The following NAV3 variants were observed in gnomAD, a reference collection of about 807,000 sequenced individuals.
NAV3 encodes the protein neuron navigator 3, also known as pore membrane and/or filament interacting like protein 1.
NAV3 carries 87 observed loss-of-function variants against 244.7 expected under a neutral mutation model. The ratio of observed to expected loss-of-function variants is 0.36; its 90% confidence interval spans 0.30 to 0.42. The LOEUF (loss-of-function observed/expected upper bound fraction) is 0.42. Among genes scored for constraint, NAV3 ranks in the 20% least tolerant of loss-of-function variants. NAV3 has a pLI of 1.00. For synonymous variants in NAV3, 1,126 were observed against 1,042.2 expected (o/e 1.08, Z -1.55); for missense variants, 2,663 against 2,893.3 (o/e 0.92, Z 1.83).
At position 78,007,342 on chromosome 12, in the gene NAV3, G is replaced by T. The variant is rs1874412971; in HGVS notation, c.1804G>T (p.Ala602Ser). The T allele has an allele frequency of 6.2e-7, 1 of 1,614,126 alleles. No individual in the cohort carries two copies. The highest frequency in any genetic ancestry group is 8.5e-7 in the Non-Finnish European group (1 of 1,180,022). The change falls in exon 8 of 40, where the codon GCA (alanine) becomes TCA (serine). Residue 602 changes from alanine (A) to serine (S), a missense_variant. Coordinates refer to ENST00000397909, the MANE Select transcript of NAV3 (RefSeq NM_001024383.2). ...SPSGSCTMTVAQSSGQSTGNG... is the reference protein window; with the variant it reads ...SPSGSCTMTVSQSSGQSTGNG... ...TTCTGGTTCCTGTACCATGACAGTG[G>T]CACAAAGCAGTGGGCAGAGCACAGG...
chr12:78,063,293 A>C (rs1468875992), intron 12 of NAV3, among the ~76,000 whole-genome samples: 1 of 152,156 alleles, frequency 6.6e-6, no homozygotes, highest in African/African-American at 2.4e-5. Flanking sequence ...ATCCTTGCAG[A>C]TATGTTGGAG....
Position 78,197,416 on chromosome 12 carries a change from T to G in NAV3, c.6446+15T>G. 6.4e-7 allele frequency: 1 copy of G among 1,557,304 alleles called. No individual in the cohort carries two copies. Among genetic ancestry groups the G allele is most frequent in the Non-Finnish European group, 8.7e-7 (1 of 1,146,464 alleles). ...TACAACAAATGGTATGCTTATCAAATATTCTGAATAATGAAATATGAAATA... is the reference window on the plus strand; with the variant it reads ...TACAACAAATGGTATGCTTATCAAAGATTCTGAATAATGAAATATGAAATA... On this transcript the variant is annotated intron_variant, in intron 35 of 39. Coordinates refer to ENST00000397909, the MANE Select transcript of NAV3 (RefSeq NM_001024383.2).
chr12:77,923,427 T>A (rs889403676), intron 1 of NAV3, among the ~76,000 whole-genome samples: 11 of 152,182 alleles, frequency 7.2e-5, no homozygotes, highest in South Asian at 4.1e-4. Flanking sequence ...TCCAAATTTT[T>A]AAAAAAATCT....
At chr12:77,766,735 G>GTTTGTTGTTTTTTTT (rs1555202961) in intron 2 of NAV3, among the ~76,000 whole-genome samples, 1 of 60,516 alleles carries the variant, frequency 1.7e-5, no homozygotes, top group Non-Finnish European at 3.0e-5. Flanking sequence ...AGGCAATTAA[G>GTTTGTTGTTTTTTTT]TTTTTTTTTT....
intron 2 of NAV3, among the ~76,000 whole-genome samples, chr12:77,631,195 A>G (rs1016399335): frequency 7.9e-5 from 12 of 152,250 alleles, no homozygotes; most frequent in African/African-American, 2.6e-4. Context: ...AGCTGAATAA[A>G]TTTTAATGAA....
intron 12 of NAV3, among the ~76,000 whole-genome samples, chr12:78,065,998 C>T (rs1884975836): frequency 6.6e-6 from 1 of 152,074 alleles, no homozygotes; most frequent in South Asian, 2.1e-4. Context: ...AAAACCTAGT[C>T]CCCCTTGTGA....
intron 2 of NAV3, among the ~76,000 whole-genome samples, chr12:77,824,894 AAACAACAAC>A (rs149054152): frequency 1.3e-5 from 2 of 150,368 alleles, no homozygotes; most frequent in East Asian, 2.0e-4. Flanking sequence ...TCCGTCTCAA[AAACAACAAC>A]AACAACAACA....
intron 21 of NAV3, among the ~76,000 whole-genome samples, chr12:78,147,670 C>G (rs1036256684): frequency 2.7e-5 from 4 of 150,758 alleles, no homozygotes; most frequent in Non-Finnish European, 5.9e-5. Context: ...ATATAAGTGT[C>G]TACTGTTTCC....
chr12:77,673,637 A>G (rs1874084924), intron 2 of NAV3, among the ~76,000 whole-genome samples: 1 of 152,042 alleles, frequency 6.6e-6, no homozygotes, highest in African/African-American at 2.4e-5. Context: ...CTATTCCTGA[A>G]CTTTTGTATG....
chr12:77,923,293 A>G (rs1887887926), intron 1 of NAV3, among the ~76,000 whole-genome samples: 1 of 152,116 alleles, frequency 6.6e-6, no homozygotes, highest in South Asian at 2.1e-4. Context: ...ATAGTGAAGA[A>G]TTTTGAATTT....
chr12:78,209,318 G>A (rs112941962), intron 39 of NAV3, among the ~76,000 whole-genome samples: 263 of 150,674 alleles, frequency 1.7e-3, no homozygotes, highest in African/African-American at 6.0e-3. Context: ...CCAAGGAATC[G>A]TTTTTTAGAT....
Position 78,177,302 on chromosome 12 carries a change from A to G in NAV3, c.5286A>G (p.Gln1762=), listed in dbSNP as rs746173651. 3 of 1,609,342 alleles carry G rather than the reference A, an allele frequency of 1.9e-6. No homozygotes were observed. The highest frequency in any genetic ancestry group is 2.5e-6 in the Non-Finnish European group (3 of 1,178,732). The change falls in exon 27 of 40, where the codon CAA becomes CAG. Residue 1762 remains glutamine (Q), a synonymous_variant. Transcript: ENST00000397909. ...GCTCAGCATCCATGAAGCCCTCACA[A>G]TCTGCTTCAGCGTAAGTTGCTCCTT... ...DCGSASMKPS[Q]SASASPLVWP...
At chr12:78,090,997 T>A (rs1475404361) in intron 12 of NAV3, among the ~76,000 whole-genome samples, 1 of 144,084 alleles carries the variant, frequency 6.9e-6, no homozygotes, top group Non-Finnish European at 1.5e-5. Flanking sequence ...TGTGTGTGTG[T>A]GTGAATATGT....
At chr12:78,159,936 C>T (rs1294224278) in intron 23 of NAV3, among the ~76,000 whole-genome samples, 1 of 152,070 alleles carries the variant, frequency 6.6e-6, no homozygotes, top group African/African-American at 2.4e-5. Context: ...TTGATAAGAA[C>T]TTTCACAAAT....
intron 36 of NAV3, chr12:78,199,129 A>C (rs1959337236): frequency 3.1e-6 from 2 of 642,668 alleles, no homozygotes; most frequent in African/African-American, 1.8e-5. Flanking sequence ...TTTAGCTCAA[A>C]AAGTAGAGTT....
At position 77,906,792 on chromosome 12, in the gene NAV3, TA is replaced by T. The variant is rs559620636; in HGVS notation, c.244-33524del. ...GTTTGGATGAATGTCTGGCACATAG[TA>T]AATCTGTATAAGTGTTAAATATTGA... On this transcript the variant is annotated intron_variant, in intron 1 of 39. Coordinates refer to ENST00000397909, the MANE Select transcript of NAV3 (RefSeq NM_001024383.2). Among the ~76,000 whole-genome samples, 143 of 152,294 alleles carry T rather than the reference TA, an allele frequency of 9.4e-4. 1 individual carries two copies. The highest frequency in any genetic ancestry group is 1.7e-3 in the Non-Finnish European group (116 of 68,016).
intron 2 of NAV3, among the ~76,000 whole-genome samples, chr12:77,768,579 CTCA>C (rs562987692): frequency 1.1e-4 from 17 of 152,344 alleles, no homozygotes; most frequent in Non-Finnish European, 2.5e-4. Flanking sequence ...TGGGCTTGGC[CTCA>C]ACTTTGCTCT....
Position 77,831,124 on chromosome 12 carries a change from G to A in NAV3, c.-338G>A, listed in dbSNP as rs560678497. ...AGTTTACTCCCCAAAGGAGTATTTAGTATTACTTAGATACTGAGTCACTGA... is the reference window on the plus strand; with the variant it reads ...AGTTTACTCCCCAAAGGAGTATTTAATATTACTTAGATACTGAGTCACTGA... On this transcript the variant is annotated 5_prime_UTR_variant, in exon 1 of 40. Transcript: ENST00000397909. 1 of 173,826 alleles carries A rather than the reference G, an allele frequency of 5.8e-6. No individual in the cohort carries two copies. The highest frequency in any genetic ancestry group is 1.2e-5 in the Non-Finnish European group (1 of 82,664). The allele number at this position is 173,826 out of a possible 1,614,324, so 10.8% of individuals were successfully genotyped here.
intron 30 of NAV3, among the ~76,000 whole-genome samples, chr12:78,183,717 G>A (rs1432559774): frequency 6.6e-6 from 1 of 151,932 alleles, no homozygotes; most frequent in African/African-American, 2.4e-5. Context: ...AATATGGCAT[G>A]AAATGAATAA....
Sources: allele counts gnomAD v4.1 joint callset (sites outside exome capture counted in the v4.1 genomes callset), GRCh38; gene constraint gnomAD v4.1.1; transcripts MANE v1.5; gene names NCBI Gene and HGNC (gene_info 2026-07-23, HGNC 2026-07-21).